The following TTC39B variants were observed in gnomAD, a reference collection of about 807,000 sequenced individuals.
TTC39B encodes tetratricopeptide repeat protein 39B.
In TTC39B, 92 loss-of-function variants were observed where a neutral mutation model predicts 96.6. The observed-to-expected ratio is 0.95, with a 90% CI of 0.80 to 1.13. The LOEUF (loss-of-function observed/expected upper bound fraction) is 1.13. Ranked by LOEUF, TTC39B falls within the 50% of genes most tolerant of loss-of-function variation. TTC39B has a pLI of 0.00. For synonymous variants in TTC39B, 367 were observed against 299.4 expected, an observed-to-expected ratio of 1.23 and a Z score of -2.33; for missense variants, 955 against 809.3, an observed-to-expected ratio of 1.18 and a Z score of -2.18.
At chr9:15,233,621 G>A (rs1319617065) in intron 2 of TTC39B, among the ~76,000 whole-genome samples, 1 of 152,164 alleles carries the variant, frequency 6.6e-6, no homozygotes, top group East Asian at 1.9e-4. Flanking sequence ...GCCTCCCGAG[G>A]TGCCGGGATT....
intron 2 of TTC39B, among the ~76,000 whole-genome samples, chr9:15,235,612 C>A (rs1376642145): frequency 6.6e-6 from 1 of 152,162 alleles, no homozygotes; most frequent in Non-Finnish European, 1.5e-5. Context: ...TAACAGCAAA[C>A]TTCTCAGCAG....
chr9:15,207,584 G>C (rs182902511), intron 6 of TTC39B, among the ~76,000 whole-genome samples: 7 of 152,240 alleles, frequency 4.6e-5, no homozygotes, highest in Non-Finnish European at 8.8e-5. Context: ...CTGGCCATTT[G>C]TTTATAACTC....
rs376277369 is a variant in TTC39B, at chr9:15,229,537, C to T, written c.276-3525G>A. ...GGAGGTTAACCAGTGTTGTGCATAACAAACCTTATTTCAACACTTTTTCTT... is the reference window on the plus strand; with the variant it reads ...GGAGGTTAACCAGTGTTGTGCATAATAAACCTTATTTCAACACTTTTTCTT... On this transcript the variant is annotated intron_variant, in intron 2 of 19. Transcript: ENST00000512701. 1.1e-4 allele frequency among the ~76,000 whole-genome samples: 16 copies of T among 152,300 alleles called. No individual in the cohort carries two copies. In the East Asian group the frequency reaches 2.5e-3, roughly 24 times the overall value.
At chr9:15,269,770 G>A (rs567739639) in intron 1 of TTC39B, among the ~76,000 whole-genome samples, 14 of 150,828 alleles carry the variant, frequency 9.3e-5, no homozygotes, top group Admixed American at 7.9e-4. Context: ...CAGGATAATC[G>A]CTTGAACCTG....
At chr9:15,185,248 C>G in intron 16 of TTC39B, 32 bp downstream of exon 16, 1 of 1,582,810 alleles carries the variant, frequency 6.3e-7, no homozygotes. Flanking sequence ...TAATTTATTT[C>G]TAGTACATGA....
At chr9:15,282,290 A>C (rs1823796497) in intron 1 of TTC39B, among the ~76,000 whole-genome samples, 1 of 152,210 alleles carries the variant, frequency 6.6e-6, no homozygotes, top group African/African-American at 2.4e-5. Flanking sequence ...AATTCTAAAC[A>C]TGTTAAAAGA....
chr9:15,219,292 G>A (rs566647763), intron 3 of TTC39B, among the ~76,000 whole-genome samples: 14 of 152,148 alleles, frequency 9.2e-5, no homozygotes, highest in East Asian at 1.9e-4. Context: ...TATATATATT[G>A]AGGCATTACT....
At chr9:15,291,826 A>G (rs1824200163) in intron 1 of TTC39B, among the ~76,000 whole-genome samples, 2 of 152,288 alleles carry the variant, frequency 1.3e-5, no homozygotes, top group South Asian at 4.2e-4. Flanking sequence ...GGCATGCGGG[A>G]AAGAGGAAAG....
chr9:15,194,410 T>A (rs1819032462), intron 8 of TTC39B, among the ~76,000 whole-genome samples: 1 of 152,206 alleles, frequency 6.6e-6, no homozygotes, highest in Non-Finnish European at 1.5e-5. Context: ...CCTATCTATA[T>A]AAAGGAATTT....
At position 15,170,013 on chromosome 9, in the gene TTC39B, C is replaced by G. The variant is rs572972618; in HGVS notation, c.*2006G>C. 3.3e-5 allele frequency: 5 copies of G among 151,266 alleles called. No individual in the cohort carries two copies. In the East Asian group the frequency reaches 9.7e-4, roughly 29 times the overall value. 9.4% of individuals were successfully genotyped at this position (151,266 alleles called of 1,614,324 possible). A position where few individuals can be genotyped will look rare whatever the true frequency, so the allele number is the denominator to read the frequency against. On this transcript the variant is annotated 3_prime_UTR_variant, in exon 20 of 20. Coordinates refer to ENST00000512701, the Ensembl canonical transcript of TTC39B. ...TTTCAAAAATAATGTTACCAAAGCT[C>G]TTCTAAGAGCTTTTTTCCAAAAAGC...
At chr9:15,211,385 A>C in exon 5 of TTC39B, 1 of 1,563,766 alleles carries the variant, frequency 6.4e-7, no homozygotes, top group Admixed American at 2.0e-5. Flanking sequence ...CATGGTACAT[A>C]CTCTCCTTAG....
intron 2 of TTC39B, among the ~76,000 whole-genome samples, chr9:15,231,384 G>A (rs902767049): frequency 6.6e-6 from 1 of 152,074 alleles, no homozygotes; most frequent in Non-Finnish European, 1.5e-5. Flanking sequence ...GCCAATACTT[G>A]TTTTTGTCCA....
At chr9:15,229,790 C>G (rs1003454400) in intron 2 of TTC39B, among the ~76,000 whole-genome samples, 1 of 152,088 alleles carries the variant, frequency 6.6e-6, no homozygotes, top group African/African-American at 2.4e-5. Flanking sequence ...CATGGCTTTC[C>G]GAGACCTGTA....
exon 20 of TTC39B, chr9:15,170,042 T>C (rs934161490): frequency 7.2e-5 from 11 of 152,198 alleles, no homozygotes; most frequent in Admixed American, 2.6e-4. Flanking sequence ...AAAAAGCTTT[T>C]TTTGGAAAAC....
intron 18 of TTC39B, among the ~76,000 whole-genome samples, chr9:15,175,385 A>G (rs1319230067): frequency 1.3e-5 from 2 of 152,180 alleles, no homozygotes; most frequent in Admixed American, 1.3e-4. Context: ...TAAGTAAATC[A>G]GCGCATACGG....
chr9:15,183,879 A>C (rs1222225894), intron 16 of TTC39B, among the ~76,000 whole-genome samples: 1 of 152,184 alleles, frequency 6.6e-6, no homozygotes, highest in Non-Finnish European at 1.5e-5. Context: ...TTGCTCCGTC[A>C]CAGTCACAGA....
intron 2 of TTC39B, among the ~76,000 whole-genome samples, chr9:15,238,729 T>C (rs1001689849): frequency 2.0e-5 from 3 of 152,196 alleles, no homozygotes; most frequent in Non-Finnish European, 2.9e-5. Flanking sequence ...CTCATGCCTG[T>C]AATCCCAGCA....
At chr9:15,193,401 A>G (rs550344276) in intron 8 of TTC39B, among the ~76,000 whole-genome samples, 177 of 152,366 alleles carry the variant, frequency 1.2e-3, no homozygotes, top group Middle Eastern at 6.8e-3. Flanking sequence ...ATTGGCAAAT[A>G]TATTTTTAAT....
chr9:15,199,983 C>A, intron 7 of TTC39B, 58 bp from the exon 8 acceptor site: 1 of 978,110 alleles, frequency 1.0e-6, no homozygotes, highest in South Asian at 1.5e-5. Context: ...AAATTGTCCC[C>A]ACAGTTGTGT....
Sources: gnomAD v4.1 joint callset for allele counts (sites outside exome capture counted in the v4.1 genomes callset) on GRCh38, gnomAD v4.1.1 for gene constraint, MANE v1.5 for transcripts, NCBI Gene and HGNC (gene_info 2026-07-23, HGNC 2026-07-21) for gene names.